Variants in PTK2B observed in about 807,000 individuals in gnomAD.
The protein encoded by PTK2B is protein-tyrosine kinase 2-beta.
A neutral mutation model predicts 142.9 loss-of-function variants in PTK2B; 71 were observed. The ratio of observed to expected loss-of-function variants is 0.50; its 90% CI spans 0.41 to 0.61. The LOEUF (loss-of-function observed/expected upper bound fraction) is 0.61, where lower values mean the gene tolerates loss of function less well. Ranked by LOEUF, PTK2B falls within the 20% of genes least tolerant of loss-of-function variation. The pLI is 0.00. For synonymous variants in PTK2B, 519 were observed against 503.4 expected, an observed-to-expected ratio of 1.03 and a Z score of -0.42; for missense variants, 1,105 against 1,320.4, an observed-to-expected ratio of 0.84 and a Z score of 2.53.
intron 24 of PTK2B, 145 bp downstream of exon 24, chr8:27,446,064 C>A: frequency 8.0e-7 from 1 of 1,250,566 alleles, no homozygotes; most frequent in Non-Finnish European, 1.1e-6. Flanking sequence ...AGGTGGCACT[C>A]TGTGACTTCC....
chr8:27,335,219 G>A (rs904547934), intron 1 of PTK2B, among the ~76,000 whole-genome samples: 36 of 152,190 alleles, frequency 2.4e-4, no homozygotes, highest in Admixed American at 1.0e-3. Context: ...ACACTTGTTC[G>A]ACAATCACCT....
intron 3 of PTK2B, among the ~76,000 whole-genome samples, chr8:27,320,503 A>C (rs1803188356): frequency 6.6e-6 from 1 of 152,184 alleles, no homozygotes; most frequent in African/African-American, 2.4e-5. Flanking sequence ...CTGACTGGCT[A>C]TACATCAGGG....
At chr8:27,329,369 C>T (rs1803603906) in intron 1 of PTK2B, among the ~76,000 whole-genome samples, 1 of 152,176 alleles carries the variant, frequency 6.6e-6, no homozygotes, top group South Asian at 2.1e-4. Context: ...AGTCCCTTGG[C>T]ACTTAGCTCT....
chr8:27,440,926 G>A (rs1465904896), intron 21 of PTK2B, among the ~76,000 whole-genome samples: 4 of 152,130 alleles, frequency 2.6e-5, no homozygotes, highest in Non-Finnish European at 5.9e-5. Flanking sequence ...GTGCCCAGGA[G>A]CCATGATTCC....
At chr8:27,398,118 A>G (rs2241651) in intron 2 of PTK2B, among the ~76,000 whole-genome samples, 56,477 of 152,206 alleles carry the variant, frequency 0.37, 11,281 homozygotes, top group Middle Eastern at 0.5. Flanking sequence ...TGCTGTCCTC[A>G]AAGAGTTTAC....
In PTK2B at chr8:27,442,893, G is replaced by T; in HGVS notation, c.2058G>T (p.Glu686Asp). ...CCTGCAGTGACGTTTATCAGATGGAGAAGGACATTGCCATGGAGCAAGAGA... is the reference window on the plus strand; with the variant it reads ...CCTGCAGTGACGTTTATCAGATGGATAAGGACATTGCCATGGAGCAAGAGA... The part of the protein sequence containing the change: ...VCSLSDVYQM[E>D]KDIAMEQERN... The change falls in exon 22 of 31, where the codon GAG becomes GAT. Residue 686 changes from glutamate (E) to aspartate (D), a missense_variant. By Grantham distance (45) the Glu-to-Asp change is conservative. Coordinates refer to ENST00000346049, the MANE Select transcript of PTK2B (RefSeq NM_173176.3). 3.7e-6 allele frequency: 6 copies of T among 1,614,152 alleles called. No individual in the cohort carries two copies. Among genetic ancestry groups the T allele is most frequent in the Non-Finnish European group, 5.1e-6 (6 of 1,179,988 alleles).
intron 1 of PTK2B, among the ~76,000 whole-genome samples, chr8:27,327,487 T>G (rs1757173192): frequency 6.6e-6 from 1 of 152,212 alleles, no homozygotes; most frequent in Admixed American, 6.5e-5. Flanking sequence ...ACTGTTTCTC[T>G]GAAATTCACA....
intron 1 of PTK2B, among the ~76,000 whole-genome samples, chr8:27,382,255 T>G (rs750809660): frequency 1.4e-4 from 21 of 152,196 alleles, no homozygotes; most frequent in Non-Finnish European, 2.6e-4. Flanking sequence ...GTTATATGTC[T>G]TCTTTTGAGA....
intron 1 of PTK2B, among the ~76,000 whole-genome samples, chr8:27,367,618 T>G (rs1331339882): frequency 2.6e-5 from 4 of 152,170 alleles, no homozygotes; most frequent in Non-Finnish European, 5.9e-5. Flanking sequence ...AGAGGCTGGG[T>G]AATTCATAAA....
upstream of PTK2B, chr8:27,311,218 G>A (rs762551853): frequency 3.8e-6 from 6 of 1,569,534 alleles, no homozygotes; most frequent in South Asian, 1.2e-5. Flanking sequence ...CGGGGGACAC[G>A]TCGGGACTCC....
At chr8:27,390,700 G>A (rs1304173059) in intron 1 of PTK2B, among the ~76,000 whole-genome samples, 2 of 152,140 alleles carry the variant, frequency 1.3e-5, no homozygotes, top group African/African-American at 4.8e-5. Flanking sequence ...TTAGTATTAT[G>A]TTTCTAATTC....
chr8:27,400,686 G>A (rs1808325957), intron 2 of PTK2B, among the ~76,000 whole-genome samples: 1 of 152,190 alleles, frequency 6.6e-6, no homozygotes, highest in Non-Finnish European at 1.5e-5. Flanking sequence ...GCGACTAAAT[G>A]GGTGTTGGTA....
At chr8:27,406,650 G>A (rs1262981434) in intron 2 of PTK2B, among the ~76,000 whole-genome samples, 3 of 152,142 alleles carry the variant, frequency 2.0e-5, no homozygotes, top group Non-Finnish European at 2.9e-5. Flanking sequence ...TGGTTCTCAC[G>A]ATGATTGGGG....
At chr8:27,422,424 G>A (rs1809818636) in intron 5 of PTK2B, 41 bp downstream of exon 5, 1 of 1,547,808 alleles carries the variant, frequency 6.5e-7, no homozygotes, top group South Asian at 1.2e-5. Flanking sequence ...GCGCTGTGCT[G>A]AGCTCTGGGC....
chr8:27,346,954 C>G (rs940403396), intron 1 of PTK2B, among the ~76,000 whole-genome samples: 1 of 152,212 alleles, frequency 6.6e-6, no homozygotes, highest in South Asian at 2.1e-4. Flanking sequence ...AGCTACCCAC[C>G]GCATTATCCC....
intron 24 of PTK2B, 97 bp from the exon 25 acceptor site, chr8:27,450,652 C>A (rs1811744793): frequency 1.4e-6 from 2 of 1,475,646 alleles, no homozygotes; most frequent in Non-Finnish European, 1.9e-6. Context: ...CAGGCCAAGG[C>A]TTGCAGCTGC....
At chr8:27,334,895 C>A (rs1294043539) in intron 1 of PTK2B, among the ~76,000 whole-genome samples, 1 of 152,210 alleles carries the variant, frequency 6.6e-6, no homozygotes, top group Non-Finnish European at 1.5e-5. Flanking sequence ...CAGTCTAGGG[C>A]AGGAACTCCA....
At chr8:27,327,480 G>GT (rs1340384336) in intron 1 of PTK2B, among the ~76,000 whole-genome samples, 11 of 151,798 alleles carry the variant, frequency 7.2e-5, no homozygotes, top group African/African-American at 2.7e-4. Flanking sequence ...ATTATTCACT[G>GT]TTTCTCTGAA....
intron 3 of PTK2B, among the ~76,000 whole-genome samples, chr8:27,318,501 A>G (rs1346759948): frequency 6.6e-6 from 1 of 152,132 alleles, no homozygotes; most frequent in Non-Finnish European, 1.5e-5. Flanking sequence ...TTTTCCAGGC[A>G]GCCACTCTTT....
Sources: gnomAD v4.1 joint callset for allele counts (sites outside exome capture counted in the v4.1 genomes callset) on GRCh38, gnomAD v4.1.1 for gene constraint, MANE v1.5 for transcripts, NCBI Gene and HGNC (gene_info 2026-07-23, HGNC 2026-07-21) for gene names.